The following FAM20A variants were observed in gnomAD, a reference collection of about 807,000 sequenced individuals.
FAM20A encodes the protein FAM20A golgi associated secretory pathway pseudokinase, also known as pseudokinase FAM20A.
Under a neutral mutation model 52.0 loss-of-function variants are expected in FAM20A, and 42 were observed. That is an observed-to-expected ratio of 0.81 (90% CI 0.63 to 1.04). The LOEUF is 1.04. Among genes scored for constraint, FAM20A ranks in the 50% least tolerant of loss-of-function variants. The pLI, the probability that FAM20A is intolerant of heterozygous loss-of-function variation, is 0.00. For missense variants in FAM20A, 742 were observed against 712.7 expected (o/e 1.04, Z -0.47); for synonymous variants, 304 against 298.9 (o/e 1.02, Z -0.18).
intron 1 of FAM20A, among the ~76,000 whole-genome samples, chr17:68,598,324 C>T (rs2088514334): frequency 6.6e-6 from 1 of 152,254 alleles, no homozygotes; most frequent in South Asian, 2.1e-4. Flanking sequence ...ATTTTTAACC[C>T]TGATATAAGT....
chr17:68,544,785 C>T (rs994264366), intron 4 of FAM20A, among the ~76,000 whole-genome samples: 1 of 152,244 alleles, frequency 6.6e-6, no homozygotes, highest in Non-Finnish European at 1.5e-5. Flanking sequence ...GACAATCCCT[C>T]TTCCCAGTCT....
intron 6 of FAM20A, 59 bp downstream of exon 6, chr17:68,542,635 T>TGG: frequency 7.8e-7 from 1 of 1,285,568 alleles, no homozygotes; most frequent in Non-Finnish European, 1.1e-6. Context: ...AATGGAGGGG[T>TGG]GGACACTCTG....
In FAM20A at chr17:68,536,664, T is replaced by C. The variant is rs1487391326; in HGVS notation, c.*813A>G. ...GGGCTGTAGTCAGCCTTGGCTCTTTTCCTGCCTTACTCCAGGCTTGTGTCC... is the reference window on the plus strand; with the variant it reads ...GGGCTGTAGTCAGCCTTGGCTCTTTCCCTGCCTTACTCCAGGCTTGTGTCC... On this transcript the variant is annotated 3_prime_UTR_variant, in exon 11 of 11. Transcript: ENST00000592554. 2.2e-6 allele frequency: 1 copy of C among 452,912 alleles called. No homozygotes were observed. Among genetic ancestry groups the C allele is most frequent in the Non-Finnish European group, 4.4e-6 (1 of 226,484 alleles). 28.1% of individuals were successfully genotyped at this position (452,912 alleles called of 1,614,324 possible).
chr17:68,596,779 G>T (rs2088465184), intron 1 of FAM20A, among the ~76,000 whole-genome samples: 1 of 152,188 alleles, frequency 6.6e-6, no homozygotes, highest in Non-Finnish European at 1.5e-5. Flanking sequence ...TGGCTGGCTG[G>T]CTGTGATCAG....
intron 4 of FAM20A, among the ~76,000 whole-genome samples, chr17:68,547,549 C>T (rs1319004562): frequency 1.3e-5 from 2 of 152,190 alleles, no homozygotes; most frequent in East Asian, 3.8e-4. Context: ...TACTGCTTCA[C>T]CTTGTACTTT....
At chr17:68,575,780 ATTTTATATT>A (rs1347411387) in intron 1 of FAM20A, among the ~76,000 whole-genome samples, 2 of 111,122 alleles carry the variant, frequency 1.8e-5, no homozygotes, top group East Asian at 2.3e-4. Context: ...TATATTGTAT[ATTTTATATT>A]ATACACACAC....
chr17:68,544,251 C>CG (rs1460580597), intron 4 of FAM20A, among the ~76,000 whole-genome samples: 1 of 151,804 alleles, frequency 6.6e-6, no homozygotes, highest in Non-Finnish European at 1.5e-5. Context: ...ACCATCATCC[C>CG]CTCAGAGAAA....
intron 4 of FAM20A, among the ~76,000 whole-genome samples, chr17:68,549,602 T>A (rs1186691867): frequency 6.6e-6 from 1 of 152,326 alleles, no homozygotes; most frequent in East Asian, 1.9e-4. Context: ...AGATTTATCA[T>A]TACTTTTATG....
intron 1 of FAM20A, among the ~76,000 whole-genome samples, chr17:68,596,116 G>T (rs764463499): frequency 2.0e-5 from 3 of 152,100 alleles, no homozygotes; most frequent in Non-Finnish European, 2.9e-5. Flanking sequence ...GATTTTCAAA[G>T]AGAGACCCAG....
chr17:68,542,514 C>G (rs1365493984), intron 6 of FAM20A, among the ~76,000 whole-genome samples, 180 bp downstream of exon 6: 1 of 152,118 alleles, frequency 6.6e-6, no homozygotes, highest in Non-Finnish European at 1.5e-5. Flanking sequence ...CCTTTCCCAT[C>G]CAGTTCATCT....
intron 1 of FAM20A, among the ~76,000 whole-genome samples, chr17:68,577,895 C>T (rs371214457): frequency 3.9e-5 from 6 of 152,270 alleles, no homozygotes; most frequent in Middle Eastern, 6.8e-3. Flanking sequence ...CACTAACACA[C>T]GTGTTAGTTG....
chr17:68,591,914 CG>C (rs1425061703), intron 1 of FAM20A: 1 of 152,200 alleles, frequency 6.6e-6, no homozygotes, highest in African/African-American at 2.4e-5. Context: ...CAGTAAATTC[CG>C]TTTTCCTCAC....
Position 68,600,544 on chromosome 17 carries a change from C to T in FAM20A, c.123G>A (p.Pro41=), listed in dbSNP as rs1037514203. The T allele has an allele frequency of 1.3e-6, 2 of 1,558,642 alleles. No homozygotes were observed. Among genetic ancestry groups the T allele is most frequent in the South Asian group, 2.4e-5 (2 of 85,048 alleles). ...CGCGGCCGGTGCACGGGCACCCCCGCGGGCGCTCCCGAGGCCGCAGCTGGC... is the reference window on the plus strand; with the variant it reads ...CGCGGCCGGTGCACGGGCACCCCCGTGGGCGCTCCCGAGGCCGCAGCTGGC... ...VQRQLRPRER[P]RGCPCTGRAS... The change falls in exon 1 of 11, where the codon CCG becomes CCA. Residue 41 remains proline (P), a synonymous_variant. Coordinates refer to ENST00000592554, the MANE Select transcript of FAM20A (RefSeq NM_017565.4). This position sits in a 1 kb window ranked among gnomAD's most constrained non-coding sequence, Gnocchi z 6.2.
chr17:68,595,156 G>A (rs1302853276), intron 1 of FAM20A, among the ~76,000 whole-genome samples: 1 of 152,254 alleles, frequency 6.6e-6, no homozygotes, highest in Non-Finnish European at 1.5e-5. Context: ...AGCCACTTGG[G>A]TTCTCAGGAT....
intron 1 of FAM20A, among the ~76,000 whole-genome samples, chr17:68,584,698 A>G (rs1312368902): frequency 6.6e-6 from 1 of 152,216 alleles, no homozygotes; most frequent in African/African-American, 2.4e-5. Flanking sequence ...AGGAAGAAGC[A>G]TTTTCTTATA....
At chr17:68,584,564 C>T (rs1019298242) in intron 1 of FAM20A, among the ~76,000 whole-genome samples, 4 of 152,216 alleles carry the variant, frequency 2.6e-5, no homozygotes, top group African/African-American at 7.2e-5. Context: ...AAGAAGCAGC[C>T]TGCTGATCAT....
At chr17:68,570,171 G>A (rs187844856) in intron 1 of FAM20A, among the ~76,000 whole-genome samples, 6 of 152,270 alleles carry the variant, frequency 3.9e-5, no homozygotes, top group Non-Finnish European at 8.8e-5. Context: ...CACCTCCCAG[G>A]TTCAGGTGAT....
chr17:68,599,390 T>C (rs1303914078), intron 1 of FAM20A, among the ~76,000 whole-genome samples: 1 of 152,216 alleles, frequency 6.6e-6, no homozygotes, highest in Non-Finnish European at 1.5e-5. Flanking sequence ...TAGCAAGGGA[T>C]CTCAGTAATG....
chr17:68,581,365 T>TCTTC (rs1491367636), intron 1 of FAM20A, among the ~76,000 whole-genome samples: 4 of 134,966 alleles, frequency 3.0e-5, no homozygotes, highest in African/African-American at 1.2e-4. Context: ...TTTCTTTCTT[T>TCTTC]CTTTCTTTCT....
Sources: gnomAD v4.1 joint callset for allele counts (sites outside exome capture counted in the v4.1 genomes callset) on GRCh38, gnomAD v4.1.1 for gene constraint, Gnocchi (gnomAD v3.1) non-coding constraint, MANE v1.5 for transcripts, NCBI Gene and HGNC (gene_info 2026-07-23, HGNC 2026-07-21) for gene names.